The following POLR2J variants were observed in gnomAD, a reference collection of about 807,000 sequenced individuals.
The protein encoded by POLR2J is RNA polymerase II subunit J, also known as DNA-directed RNA polymerase II subunit RPB11-a.
A neutral mutation model predicts 13.4 loss-of-function variants in POLR2J; 12 were observed. That is an observed-to-expected ratio of 0.90 (90% CI 0.57 to 1.45). The LOEUF (loss-of-function observed/expected upper bound fraction) is 1.45. POLR2J is among the 40% of genes most tolerant of loss of function. POLR2J has a pLI of 0.00. For synonymous variants in POLR2J, 31 were observed against 53.6 expected (o/e 0.58, Z 1.84); for missense variants, 58 against 132.0 (o/e 0.44, Z 2.75).
intron 2 of POLR2J, among the ~76,000 whole-genome samples, chr7:102,475,284 G>A (rs1798395472): frequency 6.6e-6 from 1 of 152,218 alleles, no homozygotes; most frequent in African/African-American, 2.4e-5. Context: ...AGAGGGAAGA[G>A]CCAAGTCTAC....
chr7:102,474,843 G>A lies in POLR2J; in HGVS notation c.144-308C>T, dbSNP rs1798375081. On this transcript the variant is annotated intron_variant, in intron 2 of 3. Coordinates refer to ENST00000292614, the MANE Select transcript of POLR2J (RefSeq NM_006234.6). ...CCCAGGCAGTGAATGTCCAGCCAGT[G>A]TTCAGTGACTCAGACCCAAAAAGCC... Among the ~76,000 whole-genome samples the A allele has an allele frequency of 2.0e-5, 3 of 146,554 alleles. No homozygotes were observed. In the South Asian group the frequency reaches 6.6e-4, roughly 32 times the overall value.
At chr7:102,478,704 C>G (rs1208170197) in intron 1 of POLR2J, 104 bp downstream of exon 1, 17 of 1,544,112 alleles carry the variant, frequency 1.1e-5, no homozygotes, top group Non-Finnish European at 1.5e-5. Flanking sequence ...GACGATCAAG[C>G]AAAAGCTGTT....
intron 3 of POLR2J, 28 bp from the exon 4 acceptor site, chr7:102,473,712 G>A: frequency 1.2e-6 from 2 of 1,613,622 alleles, no homozygotes; most frequent in Non-Finnish European, 1.7e-6. Context: ...GGTGGAGACT[G>A]AGCTGGAACA....
Position 102,474,512 on chromosome 7 carries a change from A to C in POLR2J, c.167T>G (p.Val56Gly). 6.4e-7 allele frequency: 1 copy of C among 1,551,974 alleles called. No individual in the cohort carries two copies. The highest frequency in any genetic ancestry group is 1.1e-5 in the South Asian group (1 of 89,554). ...IKSQLLKDPQ[V>G]LFAGYKVPHP... The stretch of plus-strand genomic sequence containing the variant: ...GGGGACTTTGTAGCCAGCAAATAGC[A>C]CTTGCGGGTCTTTTAGGAGTTGTCT... The change falls in exon 3 of 4, where the codon GTG (valine) becomes GGG (glycine). Residue 56 changes from valine to glycine, a missense_variant. This residue lies in a region of POLR2J where 23 missense variants were observed against 52.6 expected (regional missense o/e 0.44). Coordinates refer to ENST00000292614, the MANE Select transcript of POLR2J (RefSeq NM_006234.6).
Position 102,473,308 on chromosome 7 carries a change from C to T in POLR2J, c.*341G>A, listed in dbSNP as rs764594354. On this transcript the variant is annotated 3_prime_UTR_variant, in exon 4 of 4. Coordinates refer to ENST00000292614, the MANE Select transcript of POLR2J (RefSeq NM_006234.6). ...CACACTTCTCTCCGGCTCAGCACAG[C>T]CCCCGCAGCAGCCCCTGGACCCCGG... 1 of 570,842 alleles carries T rather than the reference C, an allele frequency of 1.8e-6. No homozygotes were observed. Among genetic ancestry groups the T allele is most frequent in the Non-Finnish European group, 3.0e-6 (1 of 331,578 alleles). The allele number at this position is 570,842 out of a possible 1,614,324, so 35.4% of individuals were successfully genotyped here. A position where few individuals can be genotyped will look rare whatever the true frequency, so the allele number is the denominator to read the frequency against.
At chr7:102,473,752 C>T (rs1798317159) in intron 3 of POLR2J, 68 bp from the exon 4 acceptor site, 11 of 1,601,720 alleles carry the variant, frequency 6.9e-6, no homozygotes, top group African/African-American at 1.3e-5. Flanking sequence ...AAACACATGC[C>T]CAGCATCCCC....
Position 102,478,793 on chromosome 7 carries a change from G to A in POLR2J, c.53+15C>T. The A allele has an allele frequency of 1.2e-6, 2 of 1,610,628 alleles. No individual in the cohort carries two copies. The highest frequency in any genetic ancestry group is 1.1e-5 in the South Asian group (1 of 90,974). ...GGCCCGCGCACCTCGGCCCGCCGCA[G>A]CCGGCGTCACTTACTTCTTCTCGCC... On this transcript the variant is annotated intron_variant, in intron 1 of 3. Transcript: ENST00000292614.
At chr7:102,475,217 G>C (rs938227638) in intron 2 of POLR2J, among the ~76,000 whole-genome samples, 5 of 152,258 alleles carry the variant, frequency 3.3e-5, no homozygotes, top group South Asian at 2.1e-4. Flanking sequence ...CCCACACCAG[G>C]AGACTGGGCA....
At position 102,473,692 on chromosome 7, in the gene POLR2J, A is replaced by T; in HGVS notation, c.319-8T>A. The T allele has an allele frequency of 6.2e-7, 1 of 1,613,484 alleles. No individual in the cohort carries two copies. Among genetic ancestry groups the T allele is most frequent in the East Asian group, 2.2e-5 (1 of 44,822 alleles). ...CTTGTCTTTTATGGCCACCTGGGAG[A>T]GAAGAAGGTGGTGGAGACTGAGCTG... On this transcript the variant is annotated splice_region_variant and splice_polypyrimidine_tract_variant and intron_variant, in intron 3 of 3. Transcript: ENST00000292614.
In POLR2J at chr7:102,473,425, C is replaced by G. The variant is rs112519829; in HGVS notation, c.*224G>C. On this transcript the variant is annotated 3_prime_UTR_variant, in exon 4 of 4. Coordinates refer to ENST00000292614, the MANE Select transcript of POLR2J (RefSeq NM_006234.6). The stretch of plus-strand genomic sequence containing the variant: ...TCAAGCCTGACAATCCATTTGCTTG[C>G]GAAGTCACCGCTGCTCAAGTCCACA... 14 of 615,848 alleles carry G rather than the reference C, an allele frequency of 2.3e-5. No individual in the cohort carries two copies. Among genetic ancestry groups the G allele is most frequent in the Non-Finnish European group, 3.6e-5 (14 of 386,220 alleles). 38.1% of individuals were successfully genotyped at this position (615,848 alleles called of 1,614,324 possible).
At chr7:102,474,932 G>A (rs1433442223) in intron 2 of POLR2J, among the ~76,000 whole-genome samples, 1 of 150,242 alleles carries the variant, frequency 6.7e-6, no homozygotes, top group African/African-American at 2.4e-5. Context: ...CCGGCAGTGA[G>A]TGGAATGCAA....
Position 102,474,383 on chromosome 7 carries a change from G to A in POLR2J, c.296C>T (p.Ser99Phe). ...CACCCGAAAGCGCTCCTCCAGCAGG[G>A]ACAGCTCACTGATGAGGTCGGTGAT... ...NAITDLISEL[S>F]LLEERFRVAI... Residue 99 changes from serine to phenylalanine, a missense_variant, in exon 3 of 4, where the codon TCC (serine) becomes TTC (phenylalanine). By Grantham distance (155) the Ser-to-Phe change is radical (BLOSUM62 -2). This residue lies in a region of POLR2J where 17 missense variants were observed against 43.6 expected (regional missense o/e 0.39). Coordinates refer to ENST00000292614, the MANE Select transcript of POLR2J (RefSeq NM_006234.6). The A allele has an allele frequency of 6.2e-7, 1 of 1,611,802 alleles. No homozygotes were observed.
At chr7:102,476,946 C>CT (rs1461591926) in intron 1 of POLR2J, among the ~76,000 whole-genome samples, 103 of 83,342 alleles carry the variant, frequency 1.2e-3, no homozygotes, top group African/African-American at 3.8e-3. Flanking sequence ...ATCCTCCCGC[C>CT]TTAGCCTCCT....
chr7:102,475,491 CCAGGTGGCACTGAGGTCACAAA>C (rs1798402036), intron 2 of POLR2J, among the ~76,000 whole-genome samples: 1 of 152,156 alleles, frequency 6.6e-6, no homozygotes. Context: ...TCTTAGAGGC[CCAGGTGGCACTGAGGTCACAAA>C]CGGGTGGCAT....
intron 3 of POLR2J, 77 bp downstream of exon 3, chr7:102,474,284 G>T: frequency 1.9e-6 from 3 of 1,610,276 alleles, no homozygotes; most frequent in Non-Finnish European, 2.5e-6. Flanking sequence ...GAAGAAACAG[G>T]CCAGGGCTGT....
intron 2 of POLR2J, 58 bp from the exon 3 acceptor site, chr7:102,474,593 C>T: frequency 7.2e-7 from 1 of 1,388,410 alleles, no homozygotes; most frequent in East Asian, 2.3e-5. Flanking sequence ...TGGGTAGCAG[C>T]CAGCTCAGAG....
Position 102,473,565 on chromosome 7 carries a change from C to T in POLR2J, c.*84G>A. 2 of 1,583,260 alleles carry T rather than the reference C, an allele frequency of 1.3e-6. No homozygotes were observed. Among genetic ancestry groups the T allele is most frequent in the South Asian group, 1.1e-5 (1 of 87,224 alleles). On this transcript the variant is annotated 3_prime_UTR_variant, in exon 4 of 4. Transcript: ENST00000292614. ...GGCGGGCCATGGCTGGGACCGGCCG[C>T]TCTCCTCGGTGTGGTACCTGGAGCG... is the stretch of plus-strand genomic sequence containing the variant.
At chr7:102,477,003 T>C (rs1798451619) in intron 1 of POLR2J, among the ~76,000 whole-genome samples, 1 of 124,056 alleles carries the variant, frequency 8.1e-6, no homozygotes, top group African/African-American at 2.8e-5. Context: ...GGCCTGTTCC[T>C]TTTTTCTTAC....
intron 2 of POLR2J, among the ~76,000 whole-genome samples, chr7:102,475,771 A>T (rs1421562637): frequency 2.0e-5 from 3 of 150,874 alleles, no homozygotes; most frequent in Middle Eastern, 3.2e-3. Context: ...AAAACACAAA[A>T]ATTAGCCGGG....
Sources: gnomAD v4.1 joint callset for allele counts (sites outside exome capture counted in the v4.1 genomes callset) on GRCh38, gnomAD v4.1.1 for gene constraint, gnomAD v4.1.1 regional missense constraint, MANE v1.5 for transcripts, NCBI Gene and HGNC (gene_info 2026-07-23, HGNC 2026-07-21) for gene names.